CAP2: variants seen among roughly 807,000 people sequenced by gnomAD.
CAP2 encodes the protein adenylyl cyclase-associated protein 2.
A neutral mutation model predicts 57.7 loss-of-function variants in CAP2; 24 were observed. The ratio of observed to expected loss-of-function variants is 0.42; its 90% CI spans 0.30 to 0.58. The LOEUF (loss-of-function observed/expected upper bound fraction) is 0.58. Among genes scored for constraint, CAP2 ranks in the 20% least tolerant of loss-of-function variants. The pLI is 0.22. For missense variants in CAP2, 501 were observed against 590.3 expected (o/e 0.85, Z 1.57); for synonymous variants, 194 against 207.2 (o/e 0.94, Z 0.55).
At chr6:17,543,624 C>CAAAAA (rs66747239) in intron 11 of CAP2, among the ~76,000 whole-genome samples, 4 of 83,902 alleles carry the variant, frequency 4.8e-5, no homozygotes, top group African/African-American at 1.4e-4. Context: ...GACTCCATCT[C>CAAAAA]AAAAAAAAAA....
At chr6:17,525,174 A>T (rs1297937269) in intron 7 of CAP2, among the ~76,000 whole-genome samples, 1 of 152,138 alleles carries the variant, frequency 6.6e-6, no homozygotes, top group Admixed American at 6.5e-5. Context: ...AAGTGCTGGG[A>T]TTACAGGCAT....
In CAP2 at chr6:17,512,238, A is replaced by T. The variant is rs1366445543; in HGVS notation, c.531-1611A>T. Reference sequence around the variant, plus strand: ...GACCTCCATCCCTACAAAAAAATTTAAAAATTATCTGGGCATGGTGGCGCA... The same window carrying T: ...GACCTCCATCCCTACAAAAAAATTTTAAAATTATCTGGGCATGGTGGCGCA... On this transcript the variant is annotated intron_variant, in intron 6 of 12. Coordinates refer to ENST00000229922, the MANE Select transcript of CAP2 (RefSeq NM_006366.3). Among the ~76,000 whole-genome samples the T allele has an allele frequency of 6.6e-5, 10 of 152,052 alleles. No homozygotes were observed. The East Asian group carries it at 9.6e-4, about 15-fold the overall frequency.
intron 11 of CAP2, among the ~76,000 whole-genome samples, chr6:17,548,239 C>T (rs1444795507): frequency 2.6e-5 from 4 of 151,414 alleles, no homozygotes; most frequent in East Asian, 2.0e-4. Context: ...ATGGTGCAGG[C>T]GCCTGTAGTC....
intron 1 of CAP2, among the ~76,000 whole-genome samples, chr6:17,395,674 T>C (rs1038675949): frequency 1.3e-5 from 2 of 152,206 alleles, no homozygotes; most frequent in Non-Finnish European, 2.9e-5. Context: ...AGTTTTGTTT[T>C]GTTTTGAATA....
intron 11 of CAP2, among the ~76,000 whole-genome samples, chr6:17,549,654 A>G (rs1017820404): frequency 6.6e-6 from 1 of 152,236 alleles, no homozygotes; most frequent in Non-Finnish European, 1.5e-5. Flanking sequence ...ACACTCACCC[A>G]TTCTGCATTC....
intron 12 of CAP2, among the ~76,000 whole-genome samples, chr6:17,553,170 A>C (rs1337564707): frequency 1.3e-5 from 2 of 152,210 alleles, no homozygotes; most frequent in Non-Finnish European, 2.9e-5. Context: ...TAAGAAAAGC[A>C]GTGGGATTTG....
chr6:17,484,621 T>C (rs1176193650), intron 4 of CAP2, among the ~76,000 whole-genome samples: 3 of 152,178 alleles, frequency 2.0e-5, no homozygotes, highest in Non-Finnish European at 2.9e-5. Context: ...TGGAATACAT[T>C]TGGGGCCGAG....
chr6:17,396,217 G>A (rs935035583), intron 1 of CAP2, among the ~76,000 whole-genome samples: 2 of 152,184 alleles, frequency 1.3e-5, no homozygotes, highest in African/African-American at 4.8e-5. Flanking sequence ...ATATAAGATG[G>A]TGCCCTCACT....
intron 4 of CAP2, among the ~76,000 whole-genome samples, chr6:17,486,501 G>T (rs992779017): frequency 6.6e-6 from 1 of 152,158 alleles, no homozygotes; most frequent in African/African-American, 2.4e-5. Context: ...AGCTACTCGG[G>T]AGGCTGAGGT....
chr6:17,472,002 T>C (rs1204699996), intron 4 of CAP2, among the ~76,000 whole-genome samples: 2 of 152,170 alleles, frequency 1.3e-5, no homozygotes, highest in Non-Finnish European at 2.9e-5. Context: ...ACCTCGATAG[T>C]CTCACTTCAT....
chr6:17,471,304 G>T (rs192828485), intron 4 of CAP2, among the ~76,000 whole-genome samples: 1 of 152,298 alleles, frequency 6.6e-6, no homozygotes, highest in African/African-American at 2.4e-5. Context: ...GTTGTCAAGG[G>T]CCATATGACA....
At chr6:17,490,484 T>G (rs950444343) in intron 4 of CAP2, among the ~76,000 whole-genome samples, 3 of 152,240 alleles carry the variant, frequency 2.0e-5, no homozygotes, top group Non-Finnish European at 4.4e-5. Context: ...GTACATGTAG[T>G]TTATATTATC....
chr6:17,489,413 C>T (rs1217859193), intron 4 of CAP2, among the ~76,000 whole-genome samples: 1 of 152,158 alleles, frequency 6.6e-6, no homozygotes, highest in Non-Finnish European at 1.5e-5. Context: ...GCCTGGGCAA[C>T]AGAGCAAGAC....
At position 17,421,565 on chromosome 6, in the gene CAP2, A is replaced by G. The variant is rs746291830; in HGVS notation, c.10A>G (p.Met4Val). 11 of 1,614,058 alleles carry G rather than the reference A, an allele frequency of 6.8e-6. No individual in the cohort carries two copies. In the East Asian group the frequency reaches 1.3e-4, roughly 20 times the overall value. The part of the protein sequence containing the change: MAN[M>V]QGLVERLERA... ...CCTGTGCTTTTCTAGAATGGCCAACATGCAGGGACTGGTGGAAAGACTGGA... is the reference window on the plus strand; with the variant it reads ...CCTGTGCTTTTCTAGAATGGCCAACGTGCAGGGACTGGTGGAAAGACTGGA... The change falls in exon 2 of 13, where the codon ATG (methionine) becomes GTG (valine). Residue 4 changes from methionine to valine, a missense_variant. Met to Val is a conservative substitution (Grantham distance 21, BLOSUM62 1). Coordinates refer to ENST00000229922, the MANE Select transcript of CAP2 (RefSeq NM_006366.3).
In CAP2 at chr6:17,417,767, T is replaced by A. The variant is rs1759324888; in HGVS notation, c.-1-3788T>A. ...GTTTGAGCTGTGTCATCTAACCCAG[T>A]CTCTTCATTCTCCAGCTGTGAATCT... On this transcript the variant is annotated intron_variant, in intron 1 of 12. Transcript: ENST00000229922. Among the ~76,000 whole-genome samples the A allele has an allele frequency of 2.0e-5, 3 of 152,272 alleles. No homozygotes were observed. In the South Asian group the frequency reaches 6.2e-4, roughly 32 times the overall value.
chr6:17,439,552 A>G (rs1184060384), intron 3 of CAP2, among the ~76,000 whole-genome samples: 1 of 151,300 alleles, frequency 6.6e-6, no homozygotes, highest in Non-Finnish European at 1.5e-5. Context: ...TATTGTTATT[A>G]TATACTCATC....
chr6:17,534,953 A>G (rs9477474), intron 7 of CAP2, among the ~76,000 whole-genome samples: 52,788 of 151,986 alleles, frequency 0.35, 10,293 homozygotes, highest in African/African-American at 0.54. Context: ...GTACGCAGGA[A>G]AAATGAACCA....
intron 3 of CAP2, among the ~76,000 whole-genome samples, chr6:17,433,209 G>A (rs1470964887): frequency 6.6e-6 from 1 of 152,048 alleles, no homozygotes; most frequent in Admixed American, 6.6e-5. Context: ...GCCATGCCAG[G>A]GAAAACACCA....
At chr6:17,412,475 T>G (rs1250291125) in intron 1 of CAP2, among the ~76,000 whole-genome samples, 3 of 152,186 alleles carry the variant, frequency 2.0e-5, no homozygotes, top group Non-Finnish European at 4.4e-5. Flanking sequence ...CAGAATCACG[T>G]GGGTTGTCAG....
Sources: allele counts gnomAD v4.1 joint callset (sites outside exome capture counted in the v4.1 genomes callset), GRCh38; gene constraint gnomAD v4.1.1; transcripts MANE v1.5; gene names NCBI Gene and HGNC (gene_info 2026-07-23, HGNC 2026-07-21).